CSN2: variants seen among roughly 807,000 people sequenced by gnomAD.
CSN2 encodes beta-casein.
Under a neutral mutation model 27.3 loss-of-function variants are expected in CSN2, and 27 were observed. The observed-to-expected ratio is 0.99, with a 90% CI of 0.73 to 1.36. The LOEUF (loss-of-function observed/expected upper bound fraction) is 1.36, where lower values mean the gene tolerates loss of function less well. Ranked by LOEUF, CSN2 falls within the 40% of genes most tolerant of loss-of-function variation. CSN2 has a pLI of 0.00. For synonymous variants in CSN2, 131 were observed against 94.8 expected, an observed-to-expected ratio of 1.38 and a Z score of -2.22; for missense variants, 333 against 264.5, an observed-to-expected ratio of 1.26 and a Z score of -1.80.
At chr4:69,959,130 A>G (rs1451301405) in intron 3 of CSN2, 61 bp from the exon 4 acceptor site, 1 of 1,134,516 alleles carries the variant, frequency 8.8e-7, no homozygotes, top group Non-Finnish European at 1.2e-6. Context: ...TTGCAATATA[A>G]ATCAGGAAAT....
In CSN2 at chr4:69,965,412, A is replaced by C. The variant is rs1435363230; in HGVS notation, c.-13+269T>G. ...TAACTATGAACTAGCCTCATACTATATATATATATATATATATATATATAT... is the reference window on the plus strand; with the variant it reads ...TAACTATGAACTAGCCTCATACTATCTATATATATATATATATATATATAT... On this transcript the variant is annotated intron_variant, in intron 1 of 7. Coordinates refer to ENST00000353151, the MANE Select transcript of CSN2 (RefSeq NM_001891.4). Among the ~76,000 whole-genome samples the C allele has an allele frequency of 7.6e-4, 44 of 57,738 alleles. 1 individual carries two copies. Among genetic ancestry groups the C allele is most frequent in the African/African-American group, 2.3e-3 (44 of 19,048 alleles). The allele number at this position is 57,738 out of a possible 152,430, so 37.9% of individuals were successfully genotyped here.
chr4:69,965,486 C>A (rs1723778112), intron 1 of CSN2, among the ~76,000 whole-genome samples, 195 bp downstream of exon 1: 1 of 89,122 alleles, frequency 1.1e-5, no homozygotes. Context: ...CTCATGAAGG[C>A]TATATGTCAT....
intron 5 of CSN2, among the ~76,000 whole-genome samples, chr4:69,958,070 T>A (rs1257810526): frequency 6.6e-6 from 1 of 152,188 alleles, no homozygotes; most frequent in Non-Finnish European, 1.5e-5. Context: ...ACACTTTTTT[T>A]AACATTTTCC....
rs551145308 is a variant in CSN2 at position 69,955,546 on chromosome 4, G to A, written c.*83C>T. On this transcript the variant is annotated 3_prime_UTR_variant, in exon 8 of 8. Transcript: ENST00000353151. Reference sequence around the variant, plus strand: ...TCAAACATACTTAATTTGGGGTAACGTGATACAAAGACGGAAAAGGCATCA... The same window carrying A: ...TCAAACATACTTAATTTGGGGTAACATGATACAAAGACGGAAAAGGCATCA... The A allele has an allele frequency of 3.3e-5, 5 of 152,386 alleles. No individual in the cohort carries two copies. The highest frequency in any genetic ancestry group is 1.3e-4 in the Admixed American group (2 of 15,226). The allele number at this position is 152,386 out of a possible 1,614,324, so 9.4% of individuals were successfully genotyped here.
intron 1 of CSN2, 139 bp from the exon 2 acceptor site, chr4:69,961,146 T>C: frequency 1.8e-6 from 1 of 558,164 alleles, no homozygotes; most frequent in Non-Finnish European, 3.2e-6. Context: ...AGAAAATAAA[T>C]AGAATAAATA....
At position 69,959,920 on chromosome 4, in the gene CSN2, C is replaced by G. The variant is rs1723516142; in HGVS notation, c.78+133G>C. The G allele has an allele frequency of 7.4e-6, 5 of 677,202 alleles. No individual in the cohort carries two copies. In the South Asian group the frequency reaches 1.1e-4, roughly 15 times the overall value. The allele number at this position is 677,202 out of a possible 1,614,324, so 41.9% of individuals were successfully genotyped here. A position where few individuals can be genotyped will look rare whatever the true frequency, so the allele number is the denominator to read the frequency against. On this transcript the variant is annotated intron_variant, in intron 3 of 7. Coordinates refer to ENST00000353151, the MANE Select transcript of CSN2 (RefSeq NM_001891.4). Reference sequence around the variant, plus strand: ...TCCAGATACTTATTGTCCTTAAACACACATAAAAGAAATATGTACTAGAAC... The same window carrying G: ...TCCAGATACTTATTGTCCTTAAACAGACATAAAAGAAATATGTACTAGAAC...
rs1039388223 is a variant in CSN2 at position 69,959,175 on chromosome 4, CTT to C, written c.79-108_79-107del. On this transcript the variant is annotated intron_variant, in intron 3 of 7. Transcript: ENST00000353151. Reference sequence around the variant, plus strand: ...AATTCTTTGATAATATCATTAATAACTTTGTATAATCATTAAACTTATGTATT... The same window carrying C: ...AATTCTTTGATAATATCATTAATAACTGTATAATCATTAAACTTATGTATT... 2.7e-5 allele frequency: 23 copies of C among 855,250 alleles called. No individual in the cohort carries two copies. The African/African-American group carries it at 3.3e-4, about 12-fold the overall frequency. 53.0% of individuals were successfully genotyped at this position (855,250 alleles called of 1,614,324 possible).
At chr4:69,961,035 G>A (rs1723562175) in intron 1 of CSN2, 28 bp from the exon 2 acceptor site, 1 of 1,545,902 alleles carries the variant, frequency 6.5e-7, no homozygotes, top group South Asian at 1.1e-5. Flanking sequence ...ATGGAATGGT[G>A]GAAGATTGGT....
chr4:69,960,972 G>A lies in CSN2; in HGVS notation c.24C>T (p.Cys8=), dbSNP rs576584582. ...CCCTTGCAAGAGCAAGAGCCACCAG[G>A]CAGGCGAGGATGAGGACCTTCATGG... MKVLILA[C]LVALALARET... The change falls in exon 2 of 8, where the codon TGC becomes TGT. Residue 8 remains cysteine (C), a synonymous_variant. Coordinates refer to ENST00000353151, the MANE Select transcript of CSN2 (RefSeq NM_001891.4). 8.3e-5 allele frequency: 134 copies of A among 1,612,882 alleles called. No individual in the cohort carries two copies. In the South Asian group the frequency reaches 1.4e-3, roughly 17 times the overall value.
Position 69,957,621 on chromosome 4 carries a change from T to C in CSN2, c.328A>G (p.Thr110Ala), listed in dbSNP as rs767421388. The change falls in exon 6 of 8, where the codon ACT becomes GCT. Residue 110 changes from threonine to alanine, a missense_variant. Thr to Ala is a moderately conservative substitution (Grantham distance 58). Transcript: ENST00000353151. ...EVPKAKDTVY[T>A]KGRVMPVLKS... ...AGGACAGGCATCACTCTGCCCTTAG[T>C]GTAGACAGTGTCTTTAGCTTTAGGG... 6.2e-7 allele frequency: 1 copy of C among 1,613,920 alleles called. No individual in the cohort carries two copies. Among genetic ancestry groups the C allele is most frequent in the Non-Finnish European group, 8.5e-7 (1 of 1,179,982 alleles).
intron 6 of CSN2, among the ~76,000 whole-genome samples, chr4:69,956,991 C>T (rs1723416062): frequency 6.6e-6 from 1 of 152,018 alleles, no homozygotes; most frequent in East Asian, 1.9e-4. Flanking sequence ...CATCACACAC[C>T]TGGACCTGTC....
At chr4:69,961,953 A>G in intron 1 of CSN2, among the ~76,000 whole-genome samples, 1 of 152,202 alleles carries the variant, frequency 6.6e-6, no homozygotes, top group Middle Eastern at 3.2e-3. Context: ...ACAAACAGAG[A>G]GCCAAATCAT....
At chr4:69,962,218 A>G (rs1723617579) in intron 1 of CSN2, among the ~76,000 whole-genome samples, 1 of 152,194 alleles carries the variant, frequency 6.6e-6, no homozygotes, top group Non-Finnish European at 1.5e-5. Context: ...TTCTTCACAG[A>G]ATTGAAAAAA....
At chr4:69,964,862 C>A (rs932746638) in intron 1 of CSN2, among the ~76,000 whole-genome samples, 5 of 150,198 alleles carry the variant, frequency 3.3e-5, no homozygotes, top group African/African-American at 1.2e-4. Context: ...TTTTTATACT[C>A]ATTTCTATAC....
Position 69,955,450 on chromosome 4 carries a change from CA to C in CSN2, c.*178del, listed in dbSNP as rs1353044158. 6.6e-6 allele frequency: 1 copy of C among 152,272 alleles called. No individual in the cohort carries two copies. 9.4% of individuals were successfully genotyped at this position (152,272 alleles called of 1,614,324 possible). A position where few individuals can be genotyped will look rare whatever the true frequency, so the allele number is the denominator to read the frequency against. ...TGTAAATAGTTCATGAGTCAAATTTCAAATTAAATGAATGACATAATATATA... is the reference window on the plus strand; with the variant it reads ...TGTAAATAGTTCATGAGTCAAATTTCAATTAAATGAATGACATAATATATA... On this transcript the variant is annotated 3_prime_UTR_variant, in exon 8 of 8. Coordinates refer to ENST00000353151, the MANE Select transcript of CSN2 (RefSeq NM_001891.4).
intron 1 of CSN2, among the ~76,000 whole-genome samples, chr4:69,964,043 A>G (rs1192328587): frequency 1.3e-5 from 2 of 152,164 alleles, no homozygotes; most frequent in East Asian, 1.9e-4. Context: ...TCATTTTAAC[A>G]CTTTCCTTAT....
intron 1 of CSN2, among the ~76,000 whole-genome samples, chr4:69,963,526 G>A (rs1337153686): frequency 6.6e-6 from 1 of 150,534 alleles, no homozygotes; most frequent in African/African-American, 2.4e-5. Context: ...TCATAGGTGG[G>A]AATTGAACAA....
intron 5 of CSN2, among the ~76,000 whole-genome samples, chr4:69,958,340 G>A (rs972031595): frequency 5.9e-5 from 9 of 152,140 alleles, no homozygotes; most frequent in East Asian, 1.9e-4. Flanking sequence ...CTTGGGAGAA[G>A]ATAGTCTCTT....
intron 7 of CSN2, 45 bp downstream of exon 7, chr4:69,956,269 A>G: frequency 8.1e-7 from 1 of 1,241,426 alleles, no homozygotes; most frequent in Non-Finnish European, 1.1e-6. Context: ...AAAAGACATC[A>G]TGTATAAAAA....
Sources: allele counts gnomAD v4.1 joint callset (sites outside exome capture counted in the v4.1 genomes callset), GRCh38; gene constraint gnomAD v4.1.1; transcripts MANE v1.5; gene names NCBI Gene and HGNC (gene_info 2026-07-23, HGNC 2026-07-21).